Variants in SOAT2 observed in about 807,000 individuals in gnomAD.
SOAT2 encodes ACAT-2.
A neutral mutation model predicts 76.0 loss-of-function variants in SOAT2; 87 were observed. The observed-to-expected ratio is 1.14, with a 90% confidence interval of 0.96 to 1.37. SOAT2 has a LOEUF of 1.37. SOAT2 is among the 40% of genes most tolerant of loss of function. The pLI is 0.00. For synonymous variants in SOAT2, 285 were observed against 275.4 expected (o/e 1.03, Z -0.34); for missense variants, 686 against 682.1 (o/e 1.01, Z -0.06).
intron 5 of SOAT2, among the ~76,000 whole-genome samples, 181 bp downstream of exon 5, chr12:53,106,195 C>T (rs777221213): frequency 6.6e-6 from 1 of 152,262 alleles, no homozygotes; most frequent in Non-Finnish European, 1.5e-5. Context: ...CTTCCTTCCC[C>T]AGCCTTGGTT....
At chr12:53,106,194 C>G (rs1937931964) in intron 5 of SOAT2, among the ~76,000 whole-genome samples, 180 bp downstream of exon 5, 1 of 152,260 alleles carries the variant, frequency 6.6e-6, no homozygotes, top group Admixed American at 6.5e-5. Flanking sequence ...CCTTCCTTCC[C>G]CAGCCTTGGT....
intron 5 of SOAT2, among the ~76,000 whole-genome samples, chr12:53,106,480 C>G (rs909895961): frequency 5.3e-5 from 8 of 152,202 alleles, no homozygotes; most frequent in African/African-American, 1.7e-4. Flanking sequence ...GGGTCATTTC[C>G]CCCACAGAGC....
chr12:53,103,830 A>T (rs543570037), intron 1 of SOAT2, among the ~76,000 whole-genome samples, 171 bp downstream of exon 1: 2 of 152,316 alleles, frequency 1.3e-5, no homozygotes, highest in East Asian at 3.9e-4. Context: ...TGGAAGATGG[A>T]ACAGAAAAGA....
Position 53,123,188 on chromosome 12 carries a change from C to G in SOAT2, c.1344C>G (p.Val448=). 6.2e-7 allele frequency: 1 copy of G among 1,614,062 alleles called. No individual in the cohort carries two copies. The highest frequency in any genetic ancestry group is 8.5e-7 in the Non-Finnish European group (1 of 1,179,962). Reference sequence around the variant, plus strand: ...TCGTCCTGGGGTTCTTCTATCCCGTCATGCTGATACTCTTCCTTGTCATTG... The same window carrying G: ...TCGTCCTGGGGTTCTTCTATCCCGTGATGCTGATACTCTTCCTTGTCATTG... ...FCFVLGFFYP[V]MLILFLVIGG... The change falls in exon 13 of 15, where the codon GTC becomes GTG. Residue 448 remains valine (V), a synonymous_variant. Coordinates refer to ENST00000301466, the MANE Select transcript of SOAT2 (RefSeq NM_003578.4).
In SOAT2 at chr12:53,105,935, A is replaced by G. The variant is rs961805403; in HGVS notation, c.364A>G (p.Thr122Ala). ...DELMEVQHFRTIYHMFIAGLC... is the reference protein window; with the variant it reads ...DELMEVQHFRAIYHMFIAGLC... ...GCTGATGGAGGTGCAGCATTTCCGC[A>G]CCATCTACCACATGTTCATCGCTGG... The change falls in exon 5 of 15, where the codon ACC (threonine) becomes GCC (alanine). Residue 122 changes from threonine to alanine, a missense_variant. Physicochemically the swap from Thr to Ala is moderately conservative, Grantham distance 58. Coordinates refer to ENST00000301466, the MANE Select transcript of SOAT2 (RefSeq NM_003578.4). 9.6e-6 allele frequency: 15 copies of G among 1,557,070 alleles called. 1 individual carries two copies. In the Admixed American group the frequency reaches 2.5e-4, roughly 26 times the overall value.
chr12:53,105,521 A>C, intron 3 of SOAT2, 40 bp from the exon 4 acceptor site: 1 of 1,589,316 alleles, frequency 6.3e-7, no homozygotes, highest in East Asian at 2.2e-5. Context: ...CCCTCTGCCC[A>C]TTTACTTTTT....
intron 12 of SOAT2, 44 bp downstream of exon 12, chr12:53,121,445 G>GCTCTCCTTCCTTCC: frequency 6.7e-7 from 1 of 1,486,134 alleles, no homozygotes. Flanking sequence ...GTTAATAGGG[G>GCTCTCCTTCCTTCC]CTCTCCTTCC....
chr12:53,121,889 C>CCTCTGCCT (rs1051310959), intron 12 of SOAT2, among the ~76,000 whole-genome samples: 4 of 141,206 alleles, frequency 2.8e-5, no homozygotes, highest in Non-Finnish European at 6.0e-5. Flanking sequence ...TCACCTGCAA[C>CCTCTGCCT]CTCTGCCTCC....
chr12:53,104,219 A>G lies in SOAT2; in HGVS notation c.138+13A>G. On this transcript the variant is annotated intron_variant, in intron 2 of 14. Coordinates refer to ENST00000301466, the MANE Select transcript of SOAT2 (RefSeq NM_003578.4). ...CCGACACATGGAGGTGAGGGATGTC[A>G]GAGGTCAGAGGTCAAGTGGACAGAT... 1 of 1,604,302 alleles carries G rather than the reference A, an allele frequency of 6.2e-7. No homozygotes were observed. Among genetic ancestry groups the G allele is most frequent in the African/African-American group, 1.3e-5 (1 of 74,786 alleles).
intron 5 of SOAT2, 31 bp from the exon 6 acceptor site, chr12:53,115,359 G>T: frequency 6.4e-7 from 1 of 1,557,762 alleles, no homozygotes; most frequent in East Asian, 2.3e-5. Flanking sequence ...GGCTTCACTT[G>T]TCTACTTTGT....
intron 10 of SOAT2, among the ~76,000 whole-genome samples, chr12:53,119,968 GA>G (rs893846335): frequency 5.6e-4 from 86 of 152,286 alleles, no homozygotes; most frequent in African/African-American, 1.8e-3. Context: ...ATGGCCCTTT[GA>G]GATTCATCTC....
chr12:53,121,146 G>A (rs1217635948), intron 11 of SOAT2, among the ~76,000 whole-genome samples, 157 bp from the exon 12 acceptor site: 1 of 152,214 alleles, frequency 6.6e-6, no homozygotes, highest in East Asian at 1.9e-4. Context: ...CGTGACCTGA[G>A]GAGGGAGGTG....
chr12:53,124,087 G>T lies in SOAT2; in HGVS notation c.1533G>T (p.Gly511=). Reference sequence around the variant, plus strand: ...CTCTGGCTCAGGCAACTTTCTGGGGGCTGGTGACACCTCGATCTTGGTCCT... The same window carrying T: ...CTCTGGCTCAGGCAACTTTCTGGGGTCTGGTGACACCTCGATCTTGGTCCT... ...HCPLPQATFW[G]LVTPRSWSCH... The change falls in exon 15 of 15, where the codon GGG becomes GGT. Residue 511 remains glycine (G), a synonymous_variant. Transcript: ENST00000301466. 1 of 1,614,204 alleles carries T rather than the reference G, an allele frequency of 6.2e-7. No homozygotes were observed. The highest frequency in any genetic ancestry group is 8.5e-7 in the Non-Finnish European group (1 of 1,180,032).
chr12:53,117,841 T>TATA (rs1413768019), intron 7 of SOAT2, among the ~76,000 whole-genome samples: 3 of 152,028 alleles, frequency 2.0e-5, no homozygotes, highest in Non-Finnish European at 4.4e-5. Flanking sequence ...CCATACCACA[T>TATA]ATAATAATAA....
At position 53,116,166 on chromosome 12, in the gene SOAT2, G is replaced by C. The variant is rs767840924; in HGVS notation, c.778G>C (p.Gly260Arg). 7.4e-6 allele frequency: 12 copies of C among 1,613,688 alleles called. No individual in the cohort carries two copies. Among genetic ancestry groups the C allele is most frequent in the Non-Finnish European group, 1.0e-5 (12 of 1,179,598 alleles). The change falls in exon 7 of 15, where the codon GGT (glycine) becomes CGT (arginine). Residue 260 changes from glycine to arginine, a missense_variant and splice_region_variant. Coordinates refer to ENST00000301466, the MANE Select transcript of SOAT2 (RefSeq NM_003578.4). ...AVPGTLRARR[G>R]EGIQAPSFSS... ...GCCTGGGACCCTTCGTGCCAGACGAGGTGAGGCCTTCATCTTGCCCGGTTG... is the reference window on the plus strand; with the variant it reads ...GCCTGGGACCCTTCGTGCCAGACGACGTGAGGCCTTCATCTTGCCCGGTTG...
intron 12 of SOAT2, 36 bp from the exon 13 acceptor site, chr12:53,123,045 G>A: frequency 6.3e-7 from 1 of 1,578,748 alleles, no homozygotes; most frequent in Non-Finnish European, 8.6e-7. Context: ...GGAGCTCAGG[G>A]AGACTTACTC....
Position 53,120,856 on chromosome 12 carries a change from A to T in SOAT2, c.1110A>T (p.Leu370=). Residue 370 remains leucine, a synonymous_variant, in exon 11 of 15, where the codon CTA becomes CTT. Transcript: ENST00000301466. ...HCWLNAFAEM[L]RFGDRMFYRD... Reference sequence around the variant, plus strand: ...GGCTCAACGCCTTTGCCGAGATGCTACGATTTGGAGACAGGATGTTCTACC... The same window carrying T: ...GGCTCAACGCCTTTGCCGAGATGCTTCGATTTGGAGACAGGATGTTCTACC... 1 of 1,613,976 alleles carries T rather than the reference A, an allele frequency of 6.2e-7. No homozygotes were observed. The highest frequency in any genetic ancestry group is 8.5e-7 in the Non-Finnish European group (1 of 1,179,926).
chr12:53,106,284 G>A (rs1937934449), intron 5 of SOAT2, among the ~76,000 whole-genome samples: 2 of 152,232 alleles, frequency 1.3e-5, no homozygotes, highest in African/African-American at 4.8e-5. Context: ...AGATGTGTGT[G>A]TGTGTGCACA....
At chr12:53,118,312 C>A (rs1162587637) in intron 7 of SOAT2, 38 bp from the exon 8 acceptor site, 8 of 1,429,030 alleles carry the variant, frequency 5.6e-6, no homozygotes, top group Non-Finnish European at 7.9e-6. Flanking sequence ...GCCCTCTGCC[C>A]TTGCCCTTAC....
Sources: gnomAD v4.1 joint callset for allele counts (sites outside exome capture counted in the v4.1 genomes callset) on GRCh38, gnomAD v4.1.1 for gene constraint, MANE v1.5 for transcripts, NCBI Gene and HGNC (gene_info 2026-07-23, HGNC 2026-07-21) for gene names.